Variants in PTPRT observed in about 807,000 individuals in gnomAD.
The protein encoded by PTPRT is receptor-type tyrosine-protein phosphatase T.
PTPRT carries 56 observed loss-of-function variants against 176.8 expected under a neutral mutation model. That is an observed-to-expected ratio of 0.32 (90% CI 0.26 to 0.40). The LOEUF (loss-of-function observed/expected upper bound fraction) is 0.40, where lower values mean the gene tolerates loss of function less well. PTPRT is among the 10% of genes least tolerant of loss of function. PTPRT has a pLI of 1.00. For missense variants in PTPRT, 1,540 were observed against 1,908.2 expected (o/e 0.81, Z 3.60); for synonymous variants, 783 against 739.0 (o/e 1.06, Z -0.96).
intron 21 of PTPRT, 68 bp from the exon 22 acceptor site, chr20:42,115,383 T>G (rs1008308437): frequency 8.5e-7 from 1 of 1,176,184 alleles, no homozygotes; most frequent in East Asian, 2.4e-5. Context: ...CATGGCTGAG[T>G]GTGAGCAGCT....
chr20:42,315,529 C>G (rs1165379369), intron 12 of PTPRT, among the ~76,000 whole-genome samples, 194 bp downstream of exon 12: 2 of 152,116 alleles, frequency 1.3e-5, no homozygotes, highest in Admixed American at 6.5e-5. Context: ...TGTTAAGCAT[C>G]AAAACAGCCA....
chr20:42,862,492 C>T (rs1322182887), intron 2 of PTPRT, among the ~76,000 whole-genome samples: 2 of 152,176 alleles, frequency 1.3e-5, no homozygotes, highest in Non-Finnish European at 2.9e-5. Context: ...TGGGGTCCAC[C>T]TGCTGAGTCT....
intron 7 of PTPRT, among the ~76,000 whole-genome samples, chr20:42,639,957 G>A (rs1479556801): frequency 6.6e-6 from 1 of 152,042 alleles, no homozygotes; most frequent in Non-Finnish European, 1.5e-5. Flanking sequence ...CAACCCGAAT[G>A]AAGCTGGGAA....
chr20:42,548,640 T>A (rs138328744), intron 7 of PTPRT, among the ~76,000 whole-genome samples: 1 of 152,112 alleles, frequency 6.6e-6, no homozygotes, highest in African/African-American at 2.4e-5. Context: ...TTTTATTATC[T>A]AAAAATTATG....
At chr20:42,560,428 G>T (rs2072933077) in intron 7 of PTPRT, among the ~76,000 whole-genome samples, 1 of 152,162 alleles carries the variant, frequency 6.6e-6, no homozygotes, top group Admixed American at 6.5e-5. Context: ...ATCTTGTCTT[G>T]TGTGTTGTTG....
At chr20:42,353,486 G>A (rs2058315991) in intron 9 of PTPRT, among the ~76,000 whole-genome samples, 1 of 152,154 alleles carries the variant, frequency 6.6e-6, no homozygotes, top group Admixed American at 6.5e-5. Flanking sequence ...TATCATGTGA[G>A]TTCAGCAATA....
At chr20:42,147,067 C>T (rs1250622683) in intron 17 of PTPRT, among the ~76,000 whole-genome samples, 1 of 152,158 alleles carries the variant, frequency 6.6e-6, no homozygotes, top group African/African-American at 2.4e-5. Context: ...AGATAGACTT[C>T]TTTGCATCTA....
At chr20:43,104,974 T>C (rs894142439) in intron 1 of PTPRT, among the ~76,000 whole-genome samples, 1 of 152,124 alleles carries the variant, frequency 6.6e-6, no homozygotes, top group Non-Finnish European at 1.5e-5. Flanking sequence ...ACCGGGTCAA[T>C]CTGGGGTACA....
intron 17 of PTPRT, among the ~76,000 whole-genome samples, chr20:42,158,904 G>T (rs1989467136): frequency 6.6e-6 from 1 of 152,178 alleles, no homozygotes; most frequent in African/African-American, 2.4e-5. Context: ...TCATTTCCAT[G>T]CTAGAAAGTT....
At chr20:43,055,323 A>G (rs1326574569) in intron 1 of PTPRT, among the ~76,000 whole-genome samples, 3 of 152,232 alleles carry the variant, frequency 2.0e-5, no homozygotes, top group Non-Finnish European at 2.9e-5. Context: ...TTGGAAGCAC[A>G]TAAGTTTAGC....
intron 1 of PTPRT, among the ~76,000 whole-genome samples, chr20:43,069,781 G>C (rs537910872): frequency 6.6e-6 from 1 of 152,144 alleles, no homozygotes; most frequent in Non-Finnish European, 1.5e-5. Flanking sequence ...AGCTTCTTGG[G>C]AGCCGTACTA....
intron 17 of PTPRT, among the ~76,000 whole-genome samples, chr20:42,152,148 G>A (rs370502459): frequency 1.3e-5 from 2 of 152,208 alleles, no homozygotes; most frequent in African/African-American, 2.4e-5. Flanking sequence ...TTTTCTGGAA[G>A]GTGACAGCCA....
intron 9 of PTPRT, among the ~76,000 whole-genome samples, chr20:42,434,071 T>C (rs1261914868): frequency 1.3e-5 from 2 of 150,868 alleles, no homozygotes; most frequent in African/African-American, 4.9e-5. Flanking sequence ...ATAGTGAAAA[T>C]TAAAAAAAAA....
rs1991343111 is a variant in PTPRT, at chr20:42,199,040, G to C, written c.2491+200C>G. Among the ~76,000 whole-genome samples the C allele has an allele frequency of 1.3e-5, 2 of 152,162 alleles. 1 individual carries two copies. The highest frequency in any genetic ancestry group is 4.1e-4 in the South Asian group (2 of 4,826). On this transcript the variant is annotated intron_variant, in intron 16 of 30. Coordinates refer to ENST00000373187, the MANE Select transcript of PTPRT (RefSeq NM_007050.6). ...TCCCATTTCCATCTGATTTGGGGAAGATTTTTTAAATATTCCTTTTCATCT... is the reference window on the plus strand; with the variant it reads ...TCCCATTTCCATCTGATTTGGGGAACATTTTTTAAATATTCCTTTTCATCT...
chr20:42,205,930 C>T (rs928914651), intron 15 of PTPRT, among the ~76,000 whole-genome samples: 10 of 152,166 alleles, frequency 6.6e-5, no homozygotes, highest in Admixed American at 6.5e-4. Context: ...TAAAGTTACA[C>T]ATCGCAACTG....
chr20:42,996,932 T>G (rs1984253892), intron 1 of PTPRT, among the ~76,000 whole-genome samples: 1 of 152,216 alleles, frequency 6.6e-6, no homozygotes, highest in Non-Finnish European at 1.5e-5. Context: ...GTAGCTGGCA[T>G]ACTCTTCTGT....
intron 1 of PTPRT, among the ~76,000 whole-genome samples, chr20:43,035,695 G>C (rs932880800): frequency 6.6e-6 from 1 of 152,186 alleles, no homozygotes; most frequent in Non-Finnish European, 1.5e-5. Context: ...GGTATGCTTG[G>C]ATGTCAAAGC....
In PTPRT at chr20:43,174,633, TCTC is replaced by T. The variant is rs747992626; in HGVS notation, c.88+15010_88+15012del. 4.6e-5 allele frequency among the ~76,000 whole-genome samples: 7 copies of T among 152,356 alleles called. No homozygotes were observed. In the East Asian group the frequency reaches 5.8e-4, roughly 13 times the overall value. On this transcript the variant is annotated intron_variant, in intron 1 of 30. Coordinates refer to ENST00000373187, the MANE Select transcript of PTPRT (RefSeq NM_007050.6). ...CATTCCAACTTGAGCCAAATGCTCTTCTCCTCTGTATACTCTTTTGGGTTTAGA... is the reference window on the plus strand; with the variant it reads ...CATTCCAACTTGAGCCAAATGCTCTTCTCTGTATACTCTTTTGGGTTTAGA...
rs1352352452 is a variant in PTPRT at position 42,167,579 on chromosome 20, CAGG to C, written c.2492-6040_2492-6038del. Among the ~76,000 whole-genome samples, 3 of 152,266 alleles carry C rather than the reference CAGG, an allele frequency of 2.0e-5. No homozygotes were observed. In the East Asian group the frequency reaches 5.8e-4, roughly 29 times the overall value. ...TCCTAGCTCCATGTGCTCTTTAGGG[CAGG>C]AGAGTATGAAGAGTGATGTGTAAGT... On this transcript the variant is annotated intron_variant, in intron 16 of 30. Coordinates refer to ENST00000373187, the MANE Select transcript of PTPRT (RefSeq NM_007050.6).
Sources: allele counts gnomAD v4.1 joint callset (sites outside exome capture counted in the v4.1 genomes callset), GRCh38; gene constraint gnomAD v4.1.1; transcripts MANE v1.5; gene names NCBI Gene and HGNC (gene_info 2026-07-23, HGNC 2026-07-21).